Variants in FIRRM observed in about 807,000 individuals in gnomAD.
FIRRM encodes FIGNL1-interacting regulator of recombination and mitosis.
chr1:169,825,103 C>T, the FIRRM span, among the ~76,000 whole-genome samples: 1 of 152,222 alleles, frequency 6.6e-6, no homozygotes, highest in Admixed American at 6.5e-5. Context: ...CGCACACGTA[C>T]ACGCACTTCT....
the FIRRM span, among the ~76,000 whole-genome samples, chr1:169,814,851 A>G: frequency 6.6e-6 from 1 of 152,220 alleles, no homozygotes; most frequent in Non-Finnish European, 1.5e-5. Flanking sequence ...TTTAGACCAC[A>G]TGGGGGTTGG....
the FIRRM span, among the ~76,000 whole-genome samples, chr1:169,832,054 C>T: frequency 6.6e-6 from 1 of 152,178 alleles, no homozygotes; most frequent in Non-Finnish European, 1.5e-5. Flanking sequence ...CCACCACACT[C>T]AGCCCCTGTA....
At chr1:169,841,298 A>T in the FIRRM span, among the ~76,000 whole-genome samples, 1 of 152,188 alleles carries the variant, frequency 6.6e-6, no homozygotes, top group Non-Finnish European at 1.5e-5. Flanking sequence ...CCAGGAATGG[A>T]GTATACTTGA....
chr1:169,795,463 G>T, the FIRRM span: 3 of 1,283,704 alleles, frequency 2.3e-6, no homozygotes, highest in Non-Finnish European at 2.0e-6. Context: ...TTTTAGCAGT[G>T]GATGTGGCGT....
the FIRRM span, among the ~76,000 whole-genome samples, chr1:169,817,101 G>T: frequency 1.3e-5 from 2 of 151,512 alleles, no homozygotes; most frequent in East Asian, 3.9e-4. Flanking sequence ...CAAAGAATCA[G>T]CAACATTTTA....
the FIRRM span, chr1:169,798,777 T>C: frequency 5.0e-6 from 2 of 397,280 alleles, no homozygotes; most frequent in East Asian, 8.0e-5. Flanking sequence ...AAAAGCAAAA[T>C]TAAGCCAGTA....
chr1:169,803,704 G>A, the FIRRM span, among the ~76,000 whole-genome samples: 1 of 152,152 alleles, frequency 6.6e-6, no homozygotes, highest in African/African-American at 2.4e-5. Flanking sequence ...CATGCCAGAG[G>A]TAGCCTTGAG....
chr1:169,830,739 G>T, the FIRRM span: 137,147 of 1,613,000 alleles, frequency 0.085, 6,379 homozygotes, highest in Middle Eastern at 0.096. Context: ...CACCATAGTG[G>T]CTCATCTGGT....
the FIRRM span, among the ~76,000 whole-genome samples, chr1:169,833,244 T>C: frequency 4.6e-5 from 7 of 152,180 alleles, no homozygotes; most frequent in Non-Finnish European, 8.8e-5. Flanking sequence ...CTTTTAAAAA[T>C]ATAAGTTCCT....
At chr1:169,823,452 A>C in the FIRRM span, 4 of 1,604,422 alleles carry the variant, frequency 2.5e-6, no homozygotes, top group Non-Finnish European at 3.4e-6. Flanking sequence ...CTTTGCACCA[A>C]CTGTATCTTC....
chr1:169,825,989 A>G, the FIRRM span: 12,725 of 186,154 alleles, frequency 0.068, 577 homozygotes, highest in Non-Finnish European at 0.098. Context: ...GTTAGTATAC[A>G]GTTTATTTCT....
chr1:169,808,698 G>A, the FIRRM span, among the ~76,000 whole-genome samples: 18 of 150,776 alleles, frequency 1.2e-4, no homozygotes, highest in African/African-American at 3.7e-4. Flanking sequence ...TCTGCCTCAC[G>A]GGTTCAAGGG....
At chr1:169,798,812 A>C in the FIRRM span, 2 of 583,112 alleles carry the variant, frequency 3.4e-6, no homozygotes, top group Non-Finnish European at 5.1e-6. Flanking sequence ...CCAATCTCTT[A>C]TGAGTCATTG....
At chr1:169,796,161 A>C in the FIRRM span, among the ~76,000 whole-genome samples, 15 of 152,378 alleles carry the variant, frequency 9.8e-5, no homozygotes, top group South Asian at 2.3e-3. Flanking sequence ...GCAAAATCTC[A>C]GAAGGTGCCA....
At chr1:169,846,964 T>G in the FIRRM span, among the ~76,000 whole-genome samples, 1 of 152,154 alleles carries the variant, frequency 6.6e-6, no homozygotes, top group Non-Finnish European at 1.5e-5. Context: ...GATTATACTT[T>G]TCACTCGAAC....
the FIRRM span, among the ~76,000 whole-genome samples, chr1:169,818,257 G>T: frequency 6.6e-6 from 1 of 152,166 alleles, no homozygotes; most frequent in African/African-American, 2.4e-5. Flanking sequence ...ATGGAGCCTA[G>T]GACACAGAAC....
At chr1:169,811,737 TAGAC>T in the FIRRM span, among the ~76,000 whole-genome samples, 25 of 150,456 alleles carry the variant, frequency 1.7e-4, no homozygotes, top group South Asian at 2.1e-4. Context: ...AAATAGATAA[TAGAC>T]AGATTATCTA....
chr1:169,808,636 A>C, the FIRRM span, among the ~76,000 whole-genome samples: 3 of 142,122 alleles, frequency 2.1e-5, no homozygotes, highest in African/African-American at 5.3e-5. Flanking sequence ...ATGGCGTCTC[A>C]CTCTGTCACC....
chr1:169,827,895 G>T, the FIRRM span: 6 of 1,560,736 alleles, frequency 3.8e-6, no homozygotes, highest in African/African-American at 2.7e-5. Context: ...AGGCCCTGTT[G>T]TTTGGAATGG....
Sources: allele counts gnomAD v4.1 joint callset (sites outside exome capture counted in the v4.1 genomes callset), GRCh38; gene constraint gnomAD v4.1.1; transcripts MANE v1.5; gene names NCBI Gene and HGNC (gene_info 2026-07-23, HGNC 2026-07-21).